CORO7: variants seen among roughly 807,000 people sequenced by gnomAD.
The protein encoded by CORO7 is coronin 7.
A neutral mutation model predicts 126.6 loss-of-function variants in CORO7; 107 were observed. The observed-to-expected ratio is 0.85, with a 90% CI of 0.72 to 0.99. The LOEUF is 0.99. Ranked by LOEUF, CORO7 falls within the 50% of genes least tolerant of loss-of-function variation. The pLI, the probability that CORO7 is intolerant of heterozygous loss-of-function variation, is 0.00. For synonymous variants in CORO7, 603 were observed against 536.8 expected (o/e 1.12, Z -1.70); for missense variants, 1,314 against 1,255.8 (o/e 1.05, Z -0.70).
chr16:4,396,607 T>C (rs1030274038), intron 6 of CORO7, among the ~76,000 whole-genome samples: 8 of 152,136 alleles, frequency 5.3e-5, no homozygotes, highest in African/African-American at 1.9e-4. Flanking sequence ...GTGGGGAAGA[T>C]GGGGGCTGGT....
chr16:4,407,109 G>A lies in CORO7; in HGVS notation c.487+392C>T, dbSNP rs375297184. 1.3e-4 allele frequency among the ~76,000 whole-genome samples: 19 copies of A among 151,584 alleles called. No individual in the cohort carries two copies. In the East Asian group the frequency reaches 2.5e-3, roughly 20 times the overall value. On this transcript the variant is annotated intron_variant, in intron 5 of 27. Coordinates refer to ENST00000251166, the MANE Select transcript of CORO7 (RefSeq NM_024535.5). ...ATTACAGGTGTGTGCCACCACGCCC[G>A]GCTAATTTTTGTATATTTAGTAGAG...
At chr16:4,403,066 AC>A (rs2055871850) in intron 6 of CORO7, among the ~76,000 whole-genome samples, 1 of 150,526 alleles carries the variant, frequency 6.6e-6, no homozygotes, top group Non-Finnish European at 1.5e-5. Context: ...ATGACCCCCC[AC>A]CCCCATCCCC....
chr16:4,381,731 G>A, intron 9 of CORO7: 1 of 1,605,794 alleles, frequency 6.2e-7, no homozygotes, highest in Middle Eastern at 1.7e-4. Context: ...GACCTCTCGG[G>A]CCTCTTCCCC....
intron 9 of CORO7, chr16:4,381,386 G>A (rs764617387): frequency 5.7e-6 from 9 of 1,587,934 alleles, no homozygotes; most frequent in South Asian, 2.3e-5. Flanking sequence ...CGCCTGCCCC[G>A]CCTGCTGCTG....
intron 7 of CORO7, among the ~76,000 whole-genome samples, chr16:4,390,044 T>C (rs968512344): frequency 6.6e-6 from 1 of 152,102 alleles, no homozygotes; most frequent in Non-Finnish European, 1.5e-5. Flanking sequence ...CGAGATGACA[T>C]GGTGAATAAA....
intron 2 of CORO7, 74 bp from the exon 3 acceptor site, chr16:4,412,504 G>A (rs2056249195): frequency 3.3e-6 from 5 of 1,535,984 alleles, no homozygotes; most frequent in African/African-American, 1.4e-5. Context: ...GGATCCCAGA[G>A]ATGAAATCCA....
At chr16:4,387,185 C>A (rs1409944197) in intron 9 of CORO7, among the ~76,000 whole-genome samples, 1 of 152,108 alleles carries the variant, frequency 6.6e-6, no homozygotes, top group East Asian at 1.9e-4. Flanking sequence ...ACACCCCCCC[C>A]AGCCTCAGTC....
chr16:4,408,057 C>T (rs2056071137), intron 4 of CORO7, 124 bp downstream of exon 4: 3 of 1,432,460 alleles, frequency 2.1e-6, no homozygotes, highest in African/African-American at 1.4e-5. Context: ...GCCCCGCAGC[C>T]CTGGGGAGTG....
At chr16:4,412,317 A>G in intron 3 of CORO7, 39 bp downstream of exon 3, 1 of 1,610,298 alleles carries the variant, frequency 6.2e-7, no homozygotes, top group Non-Finnish European at 8.5e-7. Context: ...AGGGAGGTGC[A>G]AGTTTCAGGC....
chr16:4,358,529 A>G (rs2141176316), intron 23 of CORO7, 46 bp from the exon 24 acceptor site: 3 of 1,515,422 alleles, frequency 2.0e-6, no homozygotes. Context: ...CCTAGAGCTC[A>G]TGGCTGGGCA....
chr16:4,364,163 G>C, intron 14 of CORO7, 113 bp downstream of exon 14: 1 of 1,340,088 alleles, frequency 7.5e-7, no homozygotes, highest in South Asian at 1.9e-5. Flanking sequence ...TCTAGCTTGG[G>C]TGACAGAGTG....
Position 4,405,497 on chromosome 16 carries a change from C to T in CORO7, c.558G>A (p.Ala186=), listed in dbSNP as rs751954259. The change falls in exon 6 of 28, where the codon GCG becomes GCA. Residue 186 remains alanine (A), a synonymous_variant. Coordinates refer to ENST00000251166, the MANE Select transcript of CORO7 (RefSeq NM_024535.5). ...WSRDGALVGT[A]CKDKQLRIFD... ...TCCCCACCTGCCTGCTCACCTTGCACGCCGTGCCCACCAGGGCTCCATCTC... is the reference window on the plus strand; with the variant it reads ...TCCCCACCTGCCTGCTCACCTTGCATGCCGTGCCCACCAGGGCTCCATCTC... 2.4e-5 allele frequency: 39 copies of T among 1,612,184 alleles called. No individual in the cohort carries two copies. Among genetic ancestry groups the T allele is most frequent in the Admixed American group, 2.0e-4 (12 of 59,986 alleles).
At chr16:4,391,717 C>T (rs1046592261) in intron 7 of CORO7, among the ~76,000 whole-genome samples, 11 of 152,230 alleles carry the variant, frequency 7.2e-5, no homozygotes, top group African/African-American at 2.2e-4. Context: ...GGCGACAGAG[C>T]GAGACCCGTT....
rs2054281046 is a variant in CORO7, at chr16:4,364,411, C to A, written c.1140G>T (p.Val380=). Residue 380 remains valine, a splice_region_variant and synonymous_variant, in exon 14 of 28, where the codon GTG becomes GTT. Transcript: ENST00000251166. The part of the protein sequence containing the change: ...HSWWAGDNQQ[V]QKVSLNPACR... ...AGGCGGGGTTGAGGCTGACCTTCTG[C>A]ACCTGCATGGAGGCCGGCAGTGGGG... 3 of 1,503,830 alleles carry A rather than the reference C, an allele frequency of 2.0e-6. No homozygotes were observed. The highest frequency in any genetic ancestry group is 2.7e-6 in the Non-Finnish European group (3 of 1,128,702). 93.2% of individuals were successfully genotyped at this position (1,503,830 alleles called of 1,614,324 possible). A position where few individuals can be genotyped will look rare whatever the true frequency, so the allele number is the denominator to read the frequency against.
At chr16:4,367,189 G>T (rs1350980600) in intron 9 of CORO7, among the ~76,000 whole-genome samples, 1 of 152,190 alleles carries the variant, frequency 6.6e-6, no homozygotes, top group Non-Finnish European at 1.5e-5. Flanking sequence ...CTTACTGAGG[G>T]CCCAGCAGGG....
At chr16:4,360,575 C>T (rs2141182865) in intron 19 of CORO7, 27 bp from the exon 20 acceptor site, 1 of 1,569,010 alleles carries the variant, frequency 6.4e-7, no homozygotes, top group Non-Finnish European at 8.6e-7. Flanking sequence ...ATATGAGAGA[C>T]AGCCTTGCTT....
At chr16:4,381,545 T>C in intron 9 of CORO7, 1 of 1,605,154 alleles carries the variant, frequency 6.2e-7, no homozygotes, top group Non-Finnish European at 8.5e-7. Flanking sequence ...GACCTGGATG[T>C]GTCCGACAAC....
At chr16:4,355,612 G>A (rs1193727860) in intron 26 of CORO7, 3 of 491,032 alleles carry the variant, frequency 6.1e-6, no homozygotes, top group Non-Finnish European at 1.1e-5. Flanking sequence ...GGGATTACAG[G>A]CGCCCACCAC....
rs1004949402 is a variant in CORO7 at position 4,365,610 on chromosome 16, T to C, written c.786-65A>G. 1.8e-5 allele frequency: 28 copies of C among 1,546,270 alleles called. No homozygotes were observed. In the African/African-American group the frequency reaches 3.7e-4, roughly 20 times the overall value. On this transcript the variant is annotated intron_variant, in intron 9 of 27. Transcript: ENST00000251166. Reference sequence around the variant, plus strand: ...GAGGGCTGCCAGACTCGTAACCCCATGTAGGAGCCCAGGACAGGCACCACA... The same window carrying C: ...GAGGGCTGCCAGACTCGTAACCCCACGTAGGAGCCCAGGACAGGCACCACA...
Sources: gnomAD v4.1 joint callset for allele counts (sites outside exome capture counted in the v4.1 genomes callset) on GRCh38, gnomAD v4.1.1 for gene constraint, MANE v1.5 for transcripts, NCBI Gene and HGNC (gene_info 2026-07-23, HGNC 2026-07-21) for gene names.